The following FNBP1 variants were observed in gnomAD, a reference collection of about 807,000 sequenced individuals.
FNBP1 encodes the protein formin-binding protein 1.
Under a neutral mutation model 90.6 loss-of-function variants are expected in FNBP1, and 26 were observed. The observed-to-expected ratio is 0.29, with a 90% CI of 0.21 to 0.40. The LOEUF is 0.40. FNBP1 is among the 10% of genes least tolerant of loss of function. FNBP1 has a pLI of 1.00. For missense variants in FNBP1, 635 were observed against 768.0 expected (o/e 0.83, Z 2.05); for synonymous variants, 260 against 265.2 (o/e 0.98, Z 0.19).
chr9:129,969,571 T>G (rs2049116180), intron 4 of FNBP1, among the ~76,000 whole-genome samples: 1 of 152,168 alleles, frequency 6.6e-6, no homozygotes, highest in African/African-American at 2.4e-5. Flanking sequence ...TTTCTTTCTT[T>G]TTTAATATCT....
At chr9:129,919,177 A>G in intron 10 of FNBP1, 3 of 1,301,286 alleles carry the variant, frequency 2.3e-6, no homozygotes, top group Non-Finnish European at 3.0e-6. Flanking sequence ...CCCTAGCCTC[A>G]AAGGCATACG....
chr9:129,888,329 A>G lies in FNBP1; in HGVS notation c.*2210T>C, dbSNP rs1419042725. 4.3e-6 allele frequency: 1 copy of G among 232,584 alleles called. No homozygotes were observed. The highest frequency in any genetic ancestry group is 2.2e-5 in the African/African-American group (1 of 45,326). The allele number at this position is 232,584 out of a possible 1,614,324, so 14.4% of individuals were successfully genotyped here. A position where few individuals can be genotyped will look rare whatever the true frequency, so the allele number is the denominator to read the frequency against. ...ATCCTCGTGGAGTGGAGAGTGGTCC[A>G]CTTGACTTGGTGAGGTCAGAAGTTC... is the stretch of plus-strand genomic sequence containing the variant. On this transcript the variant is annotated 3_prime_UTR_variant, in exon 17 of 17. Transcript: ENST00000446176.
intron 4 of FNBP1, among the ~76,000 whole-genome samples, chr9:129,973,294 G>T (rs2049773971): frequency 6.6e-6 from 1 of 152,202 alleles, no homozygotes; most frequent in Admixed American, 6.5e-5. Flanking sequence ...CTCTAACTCT[G>T]TTATGCTGTG....
At position 129,978,536 on chromosome 9, in the gene FNBP1, C is replaced by T. The variant is rs746669605; in HGVS notation, c.274G>A (p.Glu92Lys). 8 of 1,613,580 alleles carry T rather than the reference C, an allele frequency of 5.0e-6. No homozygotes were observed. Among genetic ancestry groups the T allele is most frequent in the South Asian group, 1.1e-5 (1 of 91,064 alleles). Residue 92 changes from glutamate to lysine, a missense_variant, in exon 4 of 17, where the codon GAG (glutamate) becomes AAG (lysine). By Grantham distance (56) the Glu-to-Lys change is moderately conservative. Coordinates refer to ENST00000446176, the MANE Select transcript of FNBP1 (RefSeq NM_015033.3). ...DYAGQHEVIS[E>K]NMASQIIVDL... ...ACAATGATCTGTGATGCCATGTTCTCGGAGATAACTTCATGCTGCCCTGCG... is the reference window on the plus strand; with the variant it reads ...ACAATGATCTGTGATGCCATGTTCTTGGAGATAACTTCATGCTGCCCTGCG...
chr9:130,053,703 G>T, the FNBP1 span: 35 of 568,340 alleles, frequency 6.2e-5, no homozygotes, highest in African/African-American at 5.7e-4. Context: ...ACCGCCAATA[G>T]GTTGGCTTCA....
intron 1 of FNBP1, among the ~76,000 whole-genome samples, chr9:129,999,627 G>A (rs972363147): frequency 1.3e-5 from 2 of 151,476 alleles, no homozygotes; most frequent in Admixed American, 6.6e-5. Flanking sequence ...TGAGAATTCC[G>A]AAGAGCTTTT....
chr9:129,891,207 C>A (rs2035073801), intron 16 of FNBP1, among the ~76,000 whole-genome samples: 1 of 150,968 alleles, frequency 6.6e-6, no homozygotes, highest in Admixed American at 6.6e-5. Context: ...TACCTGTAAT[C>A]CCAGCACTTT....
chr9:129,988,592 G>A (rs1254583108), intron 2 of FNBP1, among the ~76,000 whole-genome samples: 2 of 151,834 alleles, frequency 1.3e-5, no homozygotes, highest in Admixed American at 6.6e-5. Flanking sequence ...CAGGAGAATC[G>A]CTTGAACCCT....
At chr9:130,013,894 A>C in intron 1 of FNBP1, 1 of 430,812 alleles carries the variant, frequency 2.3e-6, no homozygotes, top group South Asian at 1.7e-5. Flanking sequence ...AAAGGCCTTC[A>C]ACTGGTGCCA....
chr9:130,048,905 C>T, the FNBP1 span, among the ~76,000 whole-genome samples: 7 of 151,632 alleles, frequency 4.6e-5, no homozygotes, highest in African/African-American at 1.7e-4. Flanking sequence ...CTCAGCCTCC[C>T]GAGTAGCTGG....
At chr9:129,998,675 C>G (rs1340237129) in intron 1 of FNBP1, among the ~76,000 whole-genome samples, 1 of 152,088 alleles carries the variant, frequency 6.6e-6, no homozygotes, top group Non-Finnish European at 1.5e-5. Context: ...TACAGATTTC[C>G]CCCCACCATA....
intron 12 of FNBP1, 64 bp downstream of exon 12, chr9:129,908,826 T>C: frequency 9.4e-7 from 1 of 1,059,058 alleles, no homozygotes. Context: ...GTGCTGGGAT[T>C]ACAGGTTGTG....
chr9:129,914,233 C>T (rs943786914), intron 11 of FNBP1, among the ~76,000 whole-genome samples: 1 of 149,594 alleles, frequency 6.7e-6, no homozygotes, highest in African/African-American at 2.5e-5. Flanking sequence ...AGTGCAGTGG[C>T]GCAATGATAG....
chr9:129,929,473 A>AAAAAACATTAGTG, intron 7 of FNBP1, 94 bp downstream of exon 7: 1 of 1,157,232 alleles, frequency 8.6e-7, no homozygotes, highest in South Asian at 1.5e-5. Flanking sequence ...ACTCAGACTC[A>AAAAAACATTAGTG]GAATACAAAC....
At chr9:130,033,476 G>A (rs60371518) in intron 1 of FNBP1, among the ~76,000 whole-genome samples, 1,605 of 152,238 alleles carry the variant, frequency 0.011, 35 homozygotes, top group African/African-American at 0.037. Context: ...CAGGTCCCAA[G>A]TTTTCTTCTG....
At chr9:129,926,624 C>T (rs1225823373) in intron 8 of FNBP1, among the ~76,000 whole-genome samples, 2 of 152,112 alleles carry the variant, frequency 1.3e-5, no homozygotes, top group Non-Finnish European at 2.9e-5. Context: ...CAGTGGTTCA[C>T]ACCTGTAATC....
chr9:129,985,917 T>A (rs1198281523), intron 2 of FNBP1, among the ~76,000 whole-genome samples: 2 of 132,798 alleles, frequency 1.5e-5, no homozygotes, highest in Non-Finnish European at 3.1e-5. Context: ...GCCAAGATCA[T>A]GCCATTGCAC....
At position 130,036,454 on chromosome 9, in the gene FNBP1, A is replaced by C. The variant is rs527585707; in HGVS notation, c.24+6498T>G. 5.9e-5 allele frequency among the ~76,000 whole-genome samples: 9 copies of C among 152,318 alleles called. No individual in the cohort carries two copies. The South Asian group carries it at 1.9e-3, about 32-fold the overall frequency. On this transcript the variant is annotated intron_variant, in intron 1 of 16. Transcript: ENST00000446176. ...TACAGTTTTGCCTACCAAAATGGCA[A>C]TTTACACAAATTTTCAGGATTCTGT...
chr9:129,970,591 T>G lies in FNBP1; in HGVS notation c.345+7874A>C, dbSNP rs142844466. ...AGGATTTTTGATTTATAAGGGATTG[T>G]GAGATTTTGTCCTTTAATTCCGTTT... is the stretch of plus-strand genomic sequence containing the variant. On this transcript the variant is annotated intron_variant, in intron 4 of 16. Transcript: ENST00000446176. 3.9e-3 allele frequency among the ~76,000 whole-genome samples: 598 copies of G among 152,298 alleles called. 4 individuals are homozygous for G. The highest frequency in any genetic ancestry group is 6.6e-3 in the Non-Finnish European group (452 of 68,016).
Sources: allele counts gnomAD v4.1 joint callset (sites outside exome capture counted in the v4.1 genomes callset), GRCh38; gene constraint gnomAD v4.1.1; transcripts MANE v1.5; gene names NCBI Gene and HGNC (gene_info 2026-07-23, HGNC 2026-07-21).